The following COL23A1 variants were observed in gnomAD, a reference collection of about 807,000 sequenced individuals.
The protein encoded by COL23A1 is collagen type XXIII alpha 1 chain.
A neutral mutation model predicts 99.3 loss-of-function variants in COL23A1; 97 were observed. The ratio of observed to expected loss-of-function variants is 0.98; its 90% CI spans 0.83 to 1.16. The LOEUF (loss-of-function observed/expected upper bound fraction) is 1.16. Ranked by LOEUF, COL23A1 falls within the 50% of genes most tolerant of loss-of-function variation. The pLI is 0.00. For missense variants in COL23A1, 762 were observed against 757.4 expected, an observed-to-expected ratio of 1.01 and a Z score of -0.07; for synonymous variants, 320 against 308.2, an observed-to-expected ratio of 1.04 and a Z score of -0.40.
In COL23A1 at chr5:178,310,535, AC is replaced by A. The variant is rs1436351909; in HGVS notation, c.362-3617del. Among the ~76,000 whole-genome samples, 1 of 152,126 alleles carries A rather than the reference AC, an allele frequency of 6.6e-6. No homozygotes were observed. The highest frequency in any genetic ancestry group is 2.4e-5 in the African/African-American group (1 of 41,424). On this transcript the variant is annotated intron_variant, in intron 2 of 28. Transcript: ENST00000390654. This position sits in a 1 kb window ranked among gnomAD's most constrained non-coding sequence, Gnocchi z 4.3. ...GGGGCTAAGCCAGGTGAAGGGGCCC[AC>A]CTAAGGCTGTGTTGCTAGAGCCTCC... is the stretch of plus-strand genomic sequence containing the variant.
chr5:178,263,360 G>T (rs1196182692), intron 8 of COL23A1, 36 bp from the exon 9 acceptor site: 11 of 1,344,354 alleles, frequency 8.2e-6, no homozygotes, highest in Non-Finnish European at 1.1e-5. Flanking sequence ...CTCTGAGGGG[G>T]AGGGGGTCCA....
intron 2 of COL23A1, among the ~76,000 whole-genome samples, chr5:178,347,367 G>T (rs1388808642): frequency 6.6e-6 from 1 of 151,634 alleles, no homozygotes; most frequent in Admixed American, 6.6e-5. Flanking sequence ...CCGAACAGGC[G>T]AATCCAGAGA....
chr5:178,262,986 T>C (rs1191500940), intron 9 of COL23A1, among the ~76,000 whole-genome samples: 1 of 152,044 alleles, frequency 6.6e-6, no homozygotes, highest in Non-Finnish European at 1.5e-5. Flanking sequence ...GGGTCTGGGT[T>C]GAAGTTAGGG....
At chr5:178,451,873 T>G (rs2127868098) in intron 2 of COL23A1, among the ~76,000 whole-genome samples, 1 of 152,226 alleles carries the variant, frequency 6.6e-6, no homozygotes, top group Non-Finnish European at 1.5e-5. Context: ...AAGTAAGATT[T>G]GAAACAGTGG....
chr5:178,474,924 C>G (rs951296592), intron 2 of COL23A1, among the ~76,000 whole-genome samples: 9 of 152,224 alleles, frequency 5.9e-5, no homozygotes, highest in African/African-American at 2.2e-4. Context: ...GTGGGCAGGG[C>G]CCCACTCCCT....
chr5:178,521,006 T>C (rs1215382924), intron 2 of COL23A1, among the ~76,000 whole-genome samples: 1 of 152,200 alleles, frequency 6.6e-6, no homozygotes, highest in Non-Finnish European at 1.5e-5. Context: ...CAAACCTAGG[T>C]GGCAGAGCCT....
chr5:178,238,735 A>T, intron 28 of COL23A1, 35 bp from the exon 29 acceptor site: 1 of 1,612,136 alleles, frequency 6.2e-7, no homozygotes, highest in Non-Finnish European at 8.5e-7. Context: ...GGTGACGAGG[A>T]GCCCGAGAAG....
At chr5:178,357,847 T>A (rs987868324) in intron 2 of COL23A1, among the ~76,000 whole-genome samples, 4 of 151,168 alleles carry the variant, frequency 2.6e-5, no homozygotes, top group Admixed American at 6.6e-5. Context: ...TGTGTATGTC[T>A]AATGTGTATG....
chr5:178,250,141 TC>T, intron 17 of COL23A1, 36 bp from the exon 18 acceptor site: 1 of 1,613,462 alleles, frequency 6.2e-7, no homozygotes, highest in Non-Finnish European at 8.5e-7. Flanking sequence ...GGTTATGCCT[TC>T]CTTTCCTAAA....
chr5:178,298,279 G>A (rs755366360), intron 3 of COL23A1, among the ~76,000 whole-genome samples: 7 of 152,162 alleles, frequency 4.6e-5, no homozygotes, highest in Admixed American at 3.3e-4. Flanking sequence ...TTCACACCTC[G>A]GGGTTAGGAG....
rs1297772691 is a variant in COL23A1 at position 178,466,907 on chromosome 5, C to T, written c.361+93775G>A. Reference sequence around the variant, plus strand: ...GAGTTAGGAGATGTCGATTTGTGTCCCTAGCCTAGCTGTGTGACTGCAGGG... The same window carrying T: ...GAGTTAGGAGATGTCGATTTGTGTCTCTAGCCTAGCTGTGTGACTGCAGGG... On this transcript the variant is annotated intron_variant, in intron 2 of 28. Coordinates refer to ENST00000390654, the MANE Select transcript of COL23A1 (RefSeq NM_173465.4). Among the ~76,000 whole-genome samples, 5 of 152,224 alleles carry T rather than the reference C, an allele frequency of 3.3e-5. No homozygotes were observed. In the East Asian group the frequency reaches 7.7e-4, roughly 23 times the overall value.
At chr5:178,325,954 C>T (rs80347297) in intron 2 of COL23A1, among the ~76,000 whole-genome samples, 6,926 of 152,240 alleles carry the variant, frequency 0.045, 224 homozygotes, top group South Asian at 0.11. Flanking sequence ...AAGGGTGAGC[C>T]GCCGGGGTCT....
chr5:178,317,222 CTG>C (rs1433867118), intron 2 of COL23A1, among the ~76,000 whole-genome samples: 1 of 152,240 alleles, frequency 6.6e-6, no homozygotes, highest in Admixed American at 6.5e-5. Context: ...TCTTCAAGGA[CTG>C]TGCAGATCCC....
chr5:178,353,261 A>G (rs1215113928), intron 2 of COL23A1, among the ~76,000 whole-genome samples: 2 of 151,970 alleles, frequency 1.3e-5, no homozygotes, highest in Admixed American at 1.3e-4. Context: ...CAGTAGTAAA[A>G]AAAAAGCTAT....
In COL23A1 at chr5:178,340,120, C is replaced by T. The variant is rs951074619; in HGVS notation, c.362-33201G>A. 6.6e-6 allele frequency among the ~76,000 whole-genome samples: 1 copy of T among 152,084 alleles called. No homozygotes were observed. Among genetic ancestry groups the T allele is most frequent in the Non-Finnish European group, 1.5e-5 (1 of 68,022 alleles). ...CTGTCTCTAGCTGTTTGACCTTGGG[C>T]ATCTCACATGTTTAGCCATGAGATG... On this transcript the variant is annotated intron_variant, in intron 2 of 28. Coordinates refer to ENST00000390654, the MANE Select transcript of COL23A1 (RefSeq NM_173465.4). The surrounding 1 kb of genome is among the most constrained non-coding windows in gnomAD (Gnocchi z 4.7).
At chr5:178,272,187 G>C (rs561515675) in intron 5 of COL23A1, among the ~76,000 whole-genome samples, 1 of 152,208 alleles carries the variant, frequency 6.6e-6, no homozygotes, top group Non-Finnish European at 1.5e-5. Flanking sequence ...CTCGTCCCCC[G>C]GGACAGCCTC....
At chr5:178,318,730 A>G (rs1759115688) in intron 2 of COL23A1, among the ~76,000 whole-genome samples, 1 of 152,120 alleles carries the variant, frequency 6.6e-6, no homozygotes, top group Non-Finnish European at 1.5e-5. Context: ...GCGAAACCCC[A>G]TGTCTAATGA....
intron 1 of COL23A1, among the ~76,000 whole-genome samples, chr5:178,571,475 C>G (rs1303364219): frequency 3.3e-5 from 5 of 152,148 alleles, no homozygotes; most frequent in Admixed American, 6.5e-5. Context: ...AAACACTGCT[C>G]TAGTCCCACC....
At chr5:178,567,044 G>T (rs1290075624) in intron 1 of COL23A1, among the ~76,000 whole-genome samples, 1 of 152,090 alleles carries the variant, frequency 6.6e-6, no homozygotes, top group East Asian at 1.9e-4. Context: ...AATAAGCAAA[G>T]GAGGAAAGCT....
Sources: gnomAD v4.1 joint callset for allele counts (sites outside exome capture counted in the v4.1 genomes callset) on GRCh38, gnomAD v4.1.1 for gene constraint, Gnocchi (gnomAD v3.1) non-coding constraint, MANE v1.5 for transcripts, NCBI Gene and HGNC (gene_info 2026-07-23, HGNC 2026-07-21) for gene names.